Variants in MALRD1 observed in about 807,000 individuals in gnomAD.
The protein encoded by MALRD1 is MAM and LDL receptor class A domain containing 1, also known as MAM and LDL-receptor class A domain-containing protein 1.
In MALRD1, 247 loss-of-function variants were observed where a neutral mutation model predicts 242.1. The observed-to-expected ratio is 1.02, with a 90% CI of 0.92 to 1.13. The LOEUF (loss-of-function observed/expected upper bound fraction) is 1.13, where lower values mean the gene tolerates loss of function less well. Ranked by LOEUF, MALRD1 falls within the 50% of genes most tolerant of loss-of-function variation. The pLI is 0.00. For missense variants in MALRD1, 2,989 were observed against 2,533.1 expected (o/e 1.18, Z -3.86); for synonymous variants, 995 against 866.6 (o/e 1.15, Z -2.60).
intron 18 of MALRD1, among the ~76,000 whole-genome samples, chr10:19,212,720 G>C (rs1289339459): frequency 2.0e-5 from 3 of 152,020 alleles, no homozygotes; most frequent in African/African-American, 7.2e-5. Context: ...CAGTGTATGA[G>C]AGTTTCAGCT....
intron 28 of MALRD1, among the ~76,000 whole-genome samples, chr10:19,390,804 T>C (rs1292101574): frequency 6.6e-6 from 1 of 152,170 alleles, no homozygotes; most frequent in African/African-American, 2.4e-5. Flanking sequence ...GAAACCAGAA[T>C]TGACTTTATA....
At chr10:19,255,581 T>C (rs1839470398) in intron 18 of MALRD1, among the ~76,000 whole-genome samples, 1 of 152,050 alleles carries the variant, frequency 6.6e-6, no homozygotes. Context: ...TTTTCTTAAA[T>C]ATTCAAAAGA....
intron 14 of MALRD1, among the ~76,000 whole-genome samples, chr10:19,197,264 T>G (rs937538132): frequency 6.6e-6 from 1 of 152,088 alleles, no homozygotes; most frequent in African/African-American, 2.4e-5. Flanking sequence ...CAAGATGAGA[T>G]TTTGGTGGGA....
chr10:19,558,229 TC>T (rs1055966272), intron 32 of MALRD1, among the ~76,000 whole-genome samples: 41 of 152,152 alleles, frequency 2.7e-4, no homozygotes, highest in African/African-American at 7.9e-4. Flanking sequence ...TATGCTTTTT[TC>T]CCCCCTTTTT....
At chr10:19,223,793 G>T (rs1278996828) in intron 18 of MALRD1, among the ~76,000 whole-genome samples, 2 of 152,126 alleles carry the variant, frequency 1.3e-5, no homozygotes, top group East Asian at 3.9e-4. Context: ...GTGAGAACAT[G>T]TGGTGTTTGG....
intron 36 of MALRD1, among the ~76,000 whole-genome samples, chr10:19,630,277 C>T (rs1324972491): frequency 6.6e-6 from 1 of 152,058 alleles, no homozygotes; most frequent in Non-Finnish European, 1.5e-5. Context: ...TAAACATACA[C>T]GTTGGTATTG....
rs187301693 is a variant in MALRD1, at chr10:19,324,148, A to T, written c.3576+43A>T. On this transcript the variant is annotated intron_variant, in intron 22 of 39. Transcript: ENST00000454679. ...ACATTTTCTGAATTTTCTCTCTAAA[A>T]GTTCACAGTGCATAATTTGGTATCA... 40 of 1,520,678 alleles carry T rather than the reference A, an allele frequency of 2.6e-5. No homozygotes were observed. The African/African-American group carries it at 4.7e-4, about 18-fold the overall frequency. 94.2% of individuals were successfully genotyped at this position (1,520,678 alleles called of 1,614,324 possible).
At chr10:19,238,503 A>T (rs1229944755) in intron 18 of MALRD1, among the ~76,000 whole-genome samples, 7 of 42,168 alleles carry the variant, frequency 1.7e-4, no homozygotes, top group Admixed American at 6.7e-4. Context: ...TATATAATAT[A>T]ATATATAATG....
intron 22 of MALRD1, among the ~76,000 whole-genome samples, chr10:19,325,687 A>C (rs1230545612): frequency 1.3e-5 from 2 of 152,132 alleles, no homozygotes; most frequent in African/African-American, 4.8e-5. Flanking sequence ...AATTGTATGT[A>C]CTATGAGCAG....
In MALRD1 at chr10:19,209,607, G is replaced by A. The variant is rs1264658476; in HGVS notation, c.2918G>A (p.Trp973Ter). ...AGTGACTCAAGGGGACAGCTGCTGTGGCAGATATTTGGGAATCAAGGCAAC... is the reference window on the plus strand; with the variant it reads ...AGTGACTCAAGGGGACAGCTGCTGTAGCAGATATTTGGGAATCAAGGCAAC... ...IWSDSRGQLL[W>*]QIFGNQGNRW... Residue 973 changes from tryptophan to a stop codon, truncating the protein, a stop_gained, in exon 18 of 40, where the codon TGG becomes TAG. Coordinates refer to ENST00000454679, the MANE Select transcript of MALRD1 (RefSeq NM_001142308.3). LOFTEE classifies it high-confidence loss of function. The A allele has an allele frequency of 6.4e-7, 1 of 1,550,938 alleles. No individual in the cohort carries two copies. The highest frequency in any genetic ancestry group is 8.7e-7 in the Non-Finnish European group (1 of 1,147,078).
intron 29 of MALRD1, among the ~76,000 whole-genome samples, chr10:19,457,188 G>T (rs921603330): frequency 6.6e-6 from 1 of 151,990 alleles, no homozygotes. Context: ...ATGCTTAATG[G>T]CATGGAAACA....
At chr10:19,577,126 A>G (rs766708210) in intron 33 of MALRD1, among the ~76,000 whole-genome samples, 3 of 152,184 alleles carry the variant, frequency 2.0e-5, no homozygotes, top group Non-Finnish European at 4.4e-5. Flanking sequence ...CTTGGTTTTA[A>G]TACAAGTGTC....
chr10:19,656,093 T>C (rs1365395732), intron 36 of MALRD1, among the ~76,000 whole-genome samples: 1 of 152,152 alleles, frequency 6.6e-6, no homozygotes, highest in African/African-American at 2.4e-5. Flanking sequence ...ATATAGTAAG[T>C]GCTCAATTCT....
Position 19,182,979 on chromosome 10 carries a change from G to A in MALRD1, c.1951+7651G>A, listed in dbSNP as rs945379525. Among the ~76,000 whole-genome samples, 7 of 151,302 alleles carry A rather than the reference G, an allele frequency of 4.6e-5. No homozygotes were observed. In the South Asian group the frequency reaches 6.3e-4, roughly 14 times the overall value. On this transcript the variant is annotated intron_variant, in intron 14 of 39. Transcript: ENST00000454679. ...GCTTTTAATTCCTATAGTGCTTTTC[G>A]GGGACTTAAAAGATAATTTTTTAGA...
chr10:19,212,093 T>G (rs907775547), intron 18 of MALRD1, among the ~76,000 whole-genome samples: 1 of 152,218 alleles, frequency 6.6e-6, no homozygotes. Context: ...CAGTTCAATC[T>G]TTTGATTTTT....
intron 17 of MALRD1, among the ~76,000 whole-genome samples, chr10:19,206,979 A>G (rs1276535171): frequency 6.6e-6 from 1 of 152,146 alleles, no homozygotes; most frequent in East Asian, 1.9e-4. Flanking sequence ...ATATCAAAAG[A>G]AAGCTCATCT....
intron 18 of MALRD1, 49 bp downstream of exon 18, chr10:19,209,729 C>CT (rs1230758912): frequency 6.9e-7 from 1 of 1,443,850 alleles, no homozygotes. Context: ...ATCTGAATGT[C>CT]TAAGGAATAT....
At chr10:19,336,177 T>C (rs1564572718) in intron 24 of MALRD1, among the ~76,000 whole-genome samples, 1 of 152,214 alleles carries the variant, frequency 6.6e-6, no homozygotes, top group Non-Finnish European at 1.5e-5. Context: ...CAATACAGGA[T>C]GTAGTCAAAA....
intron 38 of MALRD1, among the ~76,000 whole-genome samples, chr10:19,719,829 C>A (rs1211784761): frequency 2.0e-5 from 3 of 151,220 alleles, no homozygotes; most frequent in African/African-American, 7.3e-5. Context: ...TCCTTTTCCT[C>A]CAGATTGTTT....
Sources: allele counts gnomAD v4.1 joint callset (sites outside exome capture counted in the v4.1 genomes callset), GRCh38; gene constraint gnomAD v4.1.1; transcripts MANE v1.5; gene names NCBI Gene and HGNC (gene_info 2026-07-23, HGNC 2026-07-21).